The following TRIM3 variants were observed in gnomAD, a reference collection of about 807,000 sequenced individuals.
The protein encoded by TRIM3 is tripartite motif containing 3, also known as tripartite motif-containing protein 3.
TRIM3 carries 13 observed loss-of-function variants against 66.6 expected under a neutral mutation model. The ratio of observed to expected loss-of-function variants is 0.20; its 90% CI spans 0.13 to 0.31. The LOEUF is 0.31. Ranked by LOEUF, TRIM3 falls within the 10% of genes least tolerant of loss-of-function variation. The pLI, the probability that TRIM3 is intolerant of heterozygous loss-of-function variation, is 1.00. For synonymous variants in TRIM3, 406 were observed against 411.7 expected (o/e 0.99, Z 0.17); for missense variants, 711 against 1,020.4 (o/e 0.70, Z 4.13).
chr11:6,458,418 A>C lies in TRIM3; in HGVS notation c.132-122T>G. 3 of 776,466 alleles carry C rather than the reference A, an allele frequency of 3.9e-6. No individual in the cohort carries two copies. Among genetic ancestry groups the C allele is most frequent in the East Asian group, 2.7e-5 (1 of 36,512 alleles). The allele number at this position is 776,466 out of a possible 1,614,324, so 48.1% of individuals were successfully genotyped here. On this transcript the variant is annotated intron_variant, in intron 2 of 11. Transcript: ENST00000345851. The surrounding 1 kb of genome is among the most constrained non-coding windows in gnomAD (Gnocchi z 6.2). ...GTGTGCCATTACACTTCATTTTAAA[A>C]CCTCTCTGCTTGACACATCTCATCT... is the stretch of plus-strand genomic sequence containing the variant.
intron 1 of TRIM3, chr11:6,473,380 T>TG (rs1589844224): frequency 2.4e-4 from 1 of 4,106 alleles, no homozygotes; most frequent in East Asian, 9.1e-3. Flanking sequence ...TGGGGTAGGG[T>TG]GGGGGTGGGG....
Position 6,458,178 on chromosome 11 carries a change from T to C in TRIM3, c.250A>G (p.Ser84Gly), listed in dbSNP as rs1470199980. Reference protein sequence around the residue: ...SALQNNFFISSLMEAMQQAPD... With the variant: ...SALQNNFFISGLMEAMQQAPD... ...GCCTGCTGCATTGCCTCCATGAGGC[T>C]GCTGATGAAGAAGTTGTTCTGCAGT... The change falls in exon 3 of 12, where the codon AGC (serine) becomes GGC (glycine). Residue 84 changes from serine to glycine, a missense_variant. Ser to Gly is a moderately conservative substitution (Grantham distance 56). Around this residue, in one of 3 missense-constraint regions of TRIM3, gnomAD observed 149 missense variants for 240.3 expected, o/e 0.62. Coordinates refer to ENST00000345851, the MANE Select transcript of TRIM3 (RefSeq NM_033278.4). The surrounding 1 kb of genome is among the most constrained non-coding windows in gnomAD (Gnocchi z 6.2). 1.2e-6 allele frequency: 2 copies of C among 1,614,182 alleles called. No individual in the cohort carries two copies. The highest frequency in any genetic ancestry group is 1.7e-6 in the Non-Finnish European group (2 of 1,180,028).
Position 6,458,097 on chromosome 11 carries a change from G to A in TRIM3, c.331C>T (p.Arg111Cys), listed in dbSNP as rs774392923. 22 of 1,609,874 alleles carry A rather than the reference G, an allele frequency of 1.4e-5. No individual in the cohort carries two copies. The highest frequency in any genetic ancestry group is 1.7e-5 in the Non-Finnish European group (20 of 1,179,154). The change falls in exon 3 of 12, where the codon CGC becomes TGC. Residue 111 changes from arginine to cysteine, a missense_variant. This residue lies in a region of TRIM3 where 149 missense variants were observed against 240.3 expected (regional missense o/e 0.62). Transcript: ENST00000345851. The surrounding 1 kb of genome is among the most constrained non-coding windows in gnomAD (Gnocchi z 6.2). ...DPHPLSVVAG[R>C]PLSCPNHEGK... Reference sequence around the variant, plus strand: ...TCATGGTTGGGGCAGGAGAGAGGGCGGCCAGCCACTACACTGAGGGGGTGG... The same window carrying A: ...TCATGGTTGGGGCAGGAGAGAGGGCAGCCAGCCACTACACTGAGGGGGTGG...
chr11:6,466,192 A>G (rs189874529), intron 1 of TRIM3, among the ~76,000 whole-genome samples: 2 of 152,208 alleles, frequency 1.3e-5, no homozygotes, highest in African/African-American at 2.4e-5. Context: ...TCTTCCATTT[A>G]TACCCTGACC....
Position 6,449,474 on chromosome 11 carries a change from G to A in TRIM3, c.1942-28C>T, listed in dbSNP as rs1849630544. On this transcript the variant is annotated intron_variant, in intron 10 of 11. Coordinates refer to ENST00000345851, the MANE Select transcript of TRIM3 (RefSeq NM_033278.4). The surrounding 1 kb of genome is among the most constrained non-coding windows in gnomAD (Gnocchi z 5.3). ...GGCGGGGGAAGGGGCTAGGGACTGGGGACCTGGCCTCAGGCAGAGGGTAGG... is the reference window on the plus strand; with the variant it reads ...GGCGGGGGAAGGGGCTAGGGACTGGAGACCTGGCCTCAGGCAGAGGGTAGG... 1 of 1,602,170 alleles carries A rather than the reference G, an allele frequency of 6.2e-7. No individual in the cohort carries two copies. Among genetic ancestry groups the A allele is most frequent in the Non-Finnish European group, 8.5e-7 (1 of 1,172,412 alleles).
At position 6,449,541 on chromosome 11, in the gene TRIM3, C is replaced by G; in HGVS notation, c.1942-95G>C. The G allele has an allele frequency of 7.8e-7, 1 of 1,279,568 alleles. No homozygotes were observed. The highest frequency in any genetic ancestry group is 2.5e-5 in the Admixed American group (1 of 39,668). The allele number at this position is 1,279,568 out of a possible 1,614,324, so 79.3% of individuals were successfully genotyped here. A position where few individuals can be genotyped will look rare whatever the true frequency, so the allele number is the denominator to read the frequency against. On this transcript the variant is annotated intron_variant, in intron 10 of 11. Coordinates refer to ENST00000345851, the MANE Select transcript of TRIM3 (RefSeq NM_033278.4). The surrounding 1 kb of genome is among the most constrained non-coding windows in gnomAD (Gnocchi z 5.3). The stretch of plus-strand genomic sequence containing the variant: ...GGGTGAAGCCCCAGGGCTGAGAACC[C>G]CCACCCAGATCTACAGCTACAGCCC...
chr11:6,457,994 G>T lies in TRIM3; in HGVS notation c.363+71C>A. 1 of 1,538,928 alleles carries T rather than the reference G, an allele frequency of 6.5e-7. No individual in the cohort carries two copies. ...GCAGTACCCTGTCACCCAGCCACTC[G>T]GCACCCCCCAATGCCTCTCCTCCTC... On this transcript the variant is annotated intron_variant, in intron 3 of 11. Coordinates refer to ENST00000345851, the MANE Select transcript of TRIM3 (RefSeq NM_033278.4). The surrounding 1 kb of genome is among the most constrained non-coding windows in gnomAD (Gnocchi z 4.5).
At position 6,456,309 on chromosome 11, in the gene TRIM3, C is replaced by G. The variant is rs199586229; in HGVS notation, c.1417G>C (p.Val473Leu). The G allele has an allele frequency of 2.6e-6, 4 of 1,552,234 alleles. No individual in the cohort carries two copies. In the East Asian group the frequency reaches 9.0e-5, roughly 35 times the overall value. Residue 473 changes from valine (V) to leucine (L), a missense_variant, in exon 6 of 12, where the codon GTC becomes CTC. Around this residue, in one of 3 missense-constraint regions of TRIM3, gnomAD observed 399 missense variants for 458.1 expected, o/e 0.87. Coordinates refer to ENST00000345851, the MANE Select transcript of TRIM3 (RefSeq NM_033278.4). This position sits in a 1 kb window ranked among gnomAD's most constrained non-coding sequence, Gnocchi z 6.4. ...RKDNPIEDEL[V>L]FRVGSRGREK... ...CGGCTGTCTGTACCAACACGGAAGA[C>G]GAGCTCATCCTCAATTGGGTTGTCC... is the stretch of plus-strand genomic sequence containing the variant.
Position 6,451,288 on chromosome 11 carries a change from G to A in TRIM3, c.1684C>T (p.Pro562Ser), listed in dbSNP as rs376689505. Residue 562 changes from proline to serine, a missense_variant, in exon 8 of 12, where the codon CCT becomes TCT. By Grantham distance (74) the Pro-to-Ser change is moderately conservative. Transcript: ENST00000345851. ...YDNRWVSIFS[P>S]EGKFKTKIGA... is the part of the protein sequence containing the mutation. ...CCTCTCACCTTGAACTTGCCCTCAG[G>A]GGAGAAGATGCTGACCCAACGGTTG... 9.3e-6 allele frequency: 15 copies of A among 1,613,936 alleles called. No individual in the cohort carries two copies. The highest frequency in any genetic ancestry group is 4.0e-5 in the African/African-American group (3 of 74,880).
intron 1 of TRIM3, among the ~76,000 whole-genome samples, chr11:6,467,958 T>G (rs1253800482): frequency 6.6e-6 from 1 of 152,176 alleles, no homozygotes; most frequent in Non-Finnish European, 1.5e-5. Context: ...GGGTATCATC[T>G]GAGCTACAAG....
At chr11:6,451,163 G>A (rs930571040) in intron 8 of TRIM3, 103 bp from the exon 9 acceptor site, 2 of 1,579,708 alleles carry the variant, frequency 1.3e-6, no homozygotes, top group African/African-American at 1.3e-5. Context: ...AGAACAGGGA[G>A]TAGGAGGAGG....
Position 6,458,476 on chromosome 11 carries a change from C to T in TRIM3, c.132-180G>A, listed in dbSNP as rs1850090101. The T allele has an allele frequency of 1.7e-6, 1 of 599,402 alleles. No homozygotes were observed. The highest frequency in any genetic ancestry group is 3.0e-6 in the Non-Finnish European group (1 of 336,984). The allele number at this position is 599,402 out of a possible 1,614,324, so 37.1% of individuals were successfully genotyped here. ...GGTATAATGGCCTTGCCCCTTACAA[C>T]TGAGTAGGAACACACCCCGACCCCT... On this transcript the variant is annotated intron_variant, in intron 2 of 11. Transcript: ENST00000345851. The surrounding 1 kb of genome is among the most constrained non-coding windows in gnomAD (Gnocchi z 6.2).
intron 1 of TRIM3, among the ~76,000 whole-genome samples, chr11:6,468,854 GTGAATGAA>G (rs111290321): frequency 0.085 from 12,794 of 150,926 alleles, 1,247 homozygotes; most frequent in African/African-American, 0.24. Context: ...TCTAAAGACT[GTGAATGAA>G]TGAATGAATG....
intron 1 of TRIM3, among the ~76,000 whole-genome samples, chr11:6,469,576 G>C (rs891680764): frequency 7.2e-5 from 11 of 152,124 alleles, no homozygotes; most frequent in Admixed American, 5.9e-4. Flanking sequence ...TGCTATCCCT[G>C]TATTGGTTAT....
intron 2 of TRIM3, among the ~76,000 whole-genome samples, chr11:6,463,593 G>A (rs1391429882): frequency 6.6e-6 from 1 of 152,236 alleles, no homozygotes; most frequent in Non-Finnish European, 1.5e-5. Flanking sequence ...AGGAAAGACA[G>A]GGAGGCCAGG....
At chr11:6,473,706 T>C (rs1850804058) in intron 1 of TRIM3, 85 bp downstream of exon 1, 1 of 152,436 alleles carries the variant, frequency 6.6e-6, no homozygotes, top group South Asian at 2.1e-4. Flanking sequence ...GAAAATCATC[T>C]GTGCCCCCAC....
chr11:6,473,241 G>A (rs1850768705), intron 1 of TRIM3: 1 of 152,226 alleles, frequency 6.6e-6, no homozygotes, highest in Non-Finnish European at 1.5e-5. Flanking sequence ...AACCAGAGGG[G>A]TCCTTTCCTA....
At position 6,456,221 on chromosome 11, in the gene TRIM3, T is replaced by G; in HGVS notation, c.1430-46A>C. 1 of 1,608,960 alleles carries G rather than the reference T, an allele frequency of 6.2e-7. No individual in the cohort carries two copies. Among genetic ancestry groups the G allele is most frequent in the Non-Finnish European group, 8.5e-7 (1 of 1,176,254 alleles). On this transcript the variant is annotated intron_variant, in intron 6 of 11. Transcript: ENST00000345851. This position sits in a 1 kb window ranked among gnomAD's most constrained non-coding sequence, Gnocchi z 6.4. ...GAAAACAAAATAATTCATTCAGAGG[T>G]CATCTTGAACCTCCCTTCCCTCCCC...
chr11:6,456,788 C>T lies in TRIM3; in HGVS notation c.938G>A (p.Gly313Asp). Residue 313 changes from glycine (G) to aspartate (D), a missense_variant, in exon 6 of 12, where the codon GGC (glycine) becomes GAC (aspartate). Around this residue, in one of 3 missense-constraint regions of TRIM3, gnomAD observed 399 missense variants for 458.1 expected, o/e 0.87. Coordinates refer to ENST00000345851, the MANE Select transcript of TRIM3 (RefSeq NM_033278.4). This position sits in a 1 kb window ranked among gnomAD's most constrained non-coding sequence, Gnocchi z 6.4. ...AGTGGCGCTCGTGGTGAGCAGTGCG[C>T]CCAGATTGAGCACCGATCGCCGCAG... is the stretch of plus-strand genomic sequence containing the variant. ...DGLRRSVLNL[G>D]ALLTTSATAH... The T allele has an allele frequency of 6.2e-7, 1 of 1,612,474 alleles. No individual in the cohort carries two copies. Among genetic ancestry groups the T allele is most frequent in the East Asian group, 2.2e-5 (1 of 44,880 alleles).
Sources: allele counts gnomAD v4.1 joint callset (sites outside exome capture counted in the v4.1 genomes callset), GRCh38; gene constraint gnomAD v4.1.1; regional missense constraint gnomAD v4.1.1; non-coding constraint Gnocchi (gnomAD v3.1); transcripts MANE v1.5; gene names NCBI Gene and HGNC (gene_info 2026-07-23, HGNC 2026-07-21).